Variants in AKT3 observed in about 807,000 individuals in gnomAD.
AKT3 encodes the protein RAC-gamma serine/threonine-protein kinase.
A neutral mutation model predicts 65.3 loss-of-function variants in AKT3; 15 were observed. The ratio of observed to expected loss-of-function variants is 0.23; its 90% confidence interval spans 0.15 to 0.35. The LOEUF (loss-of-function observed/expected upper bound fraction) is 0.35, where lower values mean the gene tolerates loss of function less well. Ranked by LOEUF, AKT3 falls within the 10% of genes least tolerant of loss-of-function variation. The pLI, the probability that AKT3 is intolerant of heterozygous loss-of-function variation, is 1.00. For missense variants in AKT3, 243 were observed against 576.5 expected (o/e 0.42, Z 5.92); for synonymous variants, 206 against 183.8 (o/e 1.12, Z -0.98).
chr1:243,660,816 T>G (rs895203990), intron 4 of AKT3, among the ~76,000 whole-genome samples: 47 of 152,310 alleles, frequency 3.1e-4, no homozygotes, highest in African/African-American at 7.7e-4. Flanking sequence ...AAAACCCCAC[T>G]GTCTCAGCCC....
At chr1:243,556,931 TA>T (rs1341823283) in intron 10 of AKT3, among the ~76,000 whole-genome samples, 1 of 152,188 alleles carries the variant, frequency 6.6e-6, no homozygotes, top group African/African-American at 2.4e-5. Context: ...CATAAATATA[TA>T]TTTTATAACT....
chr1:243,780,091 G>C (rs78808050), intron 2 of AKT3, among the ~76,000 whole-genome samples: 75 of 152,104 alleles, frequency 4.9e-4, no homozygotes, highest in Non-Finnish European at 9.6e-4. Flanking sequence ...CAAAATTGGT[G>C]GGCCAAAGTT....
rs185144536 is a variant in AKT3, at chr1:243,613,252, C to A, written c.696+419G>T. On this transcript the variant is annotated intron_variant, in intron 8 of 13. Coordinates refer to ENST00000673466, the MANE Select transcript of AKT3 (RefSeq NM_005465.7). ...CTACTATAAAGAAGAGAAAACTCAG[C>A]CATAATGTGCCCATGGACTATTGTT... Among the ~76,000 whole-genome samples, 41 of 150,476 alleles carry A rather than the reference C, an allele frequency of 2.7e-4. No homozygotes were observed. In the East Asian group the frequency reaches 7.8e-3, roughly 28 times the overall value.
chr1:243,572,104 G>A lies in AKT3; in HGVS notation c.819+822C>T, dbSNP rs527850250. On this transcript the variant is annotated intron_variant, in intron 9 of 13. Coordinates refer to ENST00000673466, the MANE Select transcript of AKT3 (RefSeq NM_005465.7). ...ATCTAGAATTTATTCAAAATGTGTC[G>A]TGGTACAAATTCCTTTAATGTCGCC... Among the ~76,000 whole-genome samples the A allele has an allele frequency of 8.5e-5, 13 of 152,184 alleles. No individual in the cohort carries two copies. The East Asian group carries it at 1.2e-3, about 14-fold the overall frequency.
At chr1:243,611,799 T>G (rs1572027800) in intron 8 of AKT3, among the ~76,000 whole-genome samples, 2 of 152,208 alleles carry the variant, frequency 1.3e-5, no homozygotes, top group Non-Finnish European at 2.9e-5. Context: ...ATTATTTAAT[T>G]ATCTTGTCCT....
chr1:243,770,120 G>A (rs1455566706), intron 2 of AKT3, among the ~76,000 whole-genome samples: 2 of 152,250 alleles, frequency 1.3e-5, no homozygotes, highest in African/African-American at 4.8e-5. Context: ...AGCCATATAT[G>A]TATGGTTTAA....
chr1:243,773,954 ATAACT>A (rs1347449977), intron 2 of AKT3, among the ~76,000 whole-genome samples: 2 of 152,200 alleles, frequency 1.3e-5, no homozygotes, highest in Non-Finnish European at 2.9e-5. Context: ...CATTTTTAAG[ATAACT>A]TAACAAAGCC....
chr1:243,632,109 G>GA (rs1159500346), intron 6 of AKT3, among the ~76,000 whole-genome samples: 3 of 152,160 alleles, frequency 2.0e-5, no homozygotes, highest in African/African-American at 7.2e-5. Flanking sequence ...AAGGCATCTA[G>GA]AATGGTGAAT....
chr1:243,650,836 T>C (rs1203570764), intron 4 of AKT3, among the ~76,000 whole-genome samples: 1 of 152,306 alleles, frequency 6.6e-6, no homozygotes, highest in South Asian at 2.1e-4. Flanking sequence ...TCAGGCAGCA[T>C]GATGCCTCCA....
At chr1:243,609,808 T>A (rs1386936524) in intron 8 of AKT3, among the ~76,000 whole-genome samples, 2 of 152,164 alleles carry the variant, frequency 1.3e-5, no homozygotes, top group Non-Finnish European at 2.9e-5. Flanking sequence ...TCTGAAAATC[T>A]GCTTTTAGTG....
At position 243,845,668 on chromosome 1, in the gene AKT3, C is replaced by A. The variant is rs565617006; in HGVS notation, c.-112-2386G>T. On this transcript the variant is annotated intron_variant, in intron 1 of 13. Transcript: ENST00000673466. ...TATTTTTGTAATATGCATGTAAAATCATTTTAAAATCTGTCTTGGGAGCCT... is the reference window on the plus strand; with the variant it reads ...TATTTTTGTAATATGCATGTAAAATAATTTTAAAATCTGTCTTGGGAGCCT... 4.0e-5 allele frequency among the ~76,000 whole-genome samples: 6 copies of A among 148,758 alleles called. No homozygotes were observed. In the South Asian group the frequency reaches 1.3e-3, roughly 32 times the overall value.
In AKT3 at chr1:243,552,288, C is replaced by CAAAAAAAAA. The variant is rs33995513; in HGVS notation, c.1163+432_1163+440dup. The stretch of plus-strand genomic sequence containing the variant: ...TGGGTGGCAGAGTGAGACTCTGTCT[C>CAAAAAAAAA]AAAAAAAAAAAAAAAAAAAAAAAAA... On this transcript the variant is annotated intron_variant, in intron 11 of 13. Transcript: ENST00000673466. Among the ~76,000 whole-genome samples the CAAAAAAAAA allele has an allele frequency of 7.0e-4, 35 of 50,166 alleles. 8 individuals are homozygous for CAAAAAAAAA. Among genetic ancestry groups the CAAAAAAAAA allele is most frequent in the African/African-American group, 2.6e-3 (26 of 9,966 alleles). 32.9% of individuals were successfully genotyped at this position (50,166 alleles called of 152,430 possible). A position where few individuals can be genotyped will look rare whatever the true frequency, so the allele number is the denominator to read the frequency against.
rs558949333 is a variant in AKT3, at chr1:243,797,172, A to T, written c.46+45953T>A. Among the ~76,000 whole-genome samples, 406 of 148,486 alleles carry T rather than the reference A, an allele frequency of 2.7e-3. 2 individuals carry two copies. The highest frequency in any genetic ancestry group is 0.01 in the Middle Eastern group (3 of 290). On this transcript the variant is annotated intron_variant, in intron 2 of 13. Transcript: ENST00000673466. Reference sequence around the variant, plus strand: ...ACTACAACCTAAAAAATACTTTTTTAAAAAAAAAAGCAAGATAAAAAATAA... The same window carrying T: ...ACTACAACCTAAAAAATACTTTTTTTAAAAAAAAAGCAAGATAAAAAATAA...
intron 2 of AKT3, among the ~76,000 whole-genome samples, chr1:243,825,227 G>C (rs893616478): frequency 6.6e-6 from 1 of 152,130 alleles, no homozygotes; most frequent in Non-Finnish European, 1.5e-5. Flanking sequence ...ACAGGGAGTG[G>C]AACAACACAC....
At chr1:243,563,869 C>T in intron 9 of AKT3, 21 bp from the exon 10 acceptor site, 1 of 1,597,062 alleles carries the variant, frequency 6.3e-7, no homozygotes, top group Non-Finnish European at 8.5e-7. Context: ...AGAAAAATGA[C>T]ATAATTTGTT....
intron 6 of AKT3, among the ~76,000 whole-genome samples, chr1:243,621,345 C>T (rs1352479574): frequency 2.0e-5 from 3 of 152,172 alleles, no homozygotes; most frequent in African/African-American, 4.8e-5. Flanking sequence ...CTCCTGAAAA[C>T]GTGTTCTTCT....
At chr1:243,649,337 G>A (rs1472793358) in intron 4 of AKT3, among the ~76,000 whole-genome samples, 2 of 150,578 alleles carry the variant, frequency 1.3e-5, no homozygotes, top group Admixed American at 1.3e-4. Context: ...GTGTGTGTGT[G>A]TGTGTGTGTG....
At chr1:243,650,233 C>G (rs190737413) in intron 4 of AKT3, among the ~76,000 whole-genome samples, 1 of 152,102 alleles carries the variant, frequency 6.6e-6, no homozygotes, top group Admixed American at 6.6e-5. Context: ...TGTTCATATC[C>G]TTTGCCCACT....
At chr1:243,715,656 A>G (rs1387898860) in intron 2 of AKT3, among the ~76,000 whole-genome samples, 2 of 152,132 alleles carry the variant, frequency 1.3e-5, no homozygotes, top group African/African-American at 4.8e-5. Flanking sequence ...AAAACATTAC[A>G]TAATAACTCT....
Sources: allele counts gnomAD v4.1 joint callset (sites outside exome capture counted in the v4.1 genomes callset), GRCh38; gene constraint gnomAD v4.1.1; transcripts MANE v1.5; gene names NCBI Gene and HGNC (gene_info 2026-07-23, HGNC 2026-07-21).